Variants in IPCEF1 observed in about 807,000 individuals in gnomAD.
IPCEF1 encodes interaction protein for cytohesin exchange factors 1.
A neutral mutation model predicts 50.9 loss-of-function variants in IPCEF1; 31 were observed. The observed-to-expected ratio is 0.61, with a 90% confidence interval of 0.46 to 0.82. The LOEUF is 0.82. IPCEF1 is among the 40% of genes least tolerant of loss of function. The probability of loss-of-function intolerance (pLI) is 0.00; values close to 1 mark genes in which losing one functional copy is unlikely to be tolerated. For synonymous variants in IPCEF1, 181 were observed against 192.0 expected (o/e 0.94, Z 0.47); for missense variants, 458 against 514.0 (o/e 0.89, Z 1.05).
At chr6:154,161,142 T>C (rs1456089810) in intron 11 of IPCEF1, among the ~76,000 whole-genome samples, 1 of 152,118 alleles carries the variant, frequency 6.6e-6, no homozygotes, top group Non-Finnish European at 1.5e-5. Context: ...CCTCATAAAC[T>C]CTAATTTCTA....
rs116011340 is a variant in IPCEF1 at position 154,242,313 on chromosome 6, T to C, written c.246+4278A>G. Among the ~76,000 whole-genome samples the C allele has an allele frequency of 8.0e-3, 1,222 of 152,298 alleles. 7 individuals are homozygous for C. The highest frequency in any genetic ancestry group is 0.02 in the Middle Eastern group (6 of 294). On this transcript the variant is annotated intron_variant, in intron 5 of 11. Coordinates refer to ENST00000367220, the MANE Select transcript of IPCEF1 (RefSeq NM_001130700.2). ...CTTTTCCCATATCTGTTTTTAAGAA[T>C]AGAGGTGGAAATCCTTTCCTGGAAA...
In IPCEF1 at chr6:154,174,497, CA is replaced by C. The variant is rs921549221; in HGVS notation, c.911-6385del. Among the ~76,000 whole-genome samples, 69 of 148,172 alleles carry C rather than the reference CA, an allele frequency of 4.7e-4. 1 individual carries two copies. Among genetic ancestry groups the C allele is most frequent in the Non-Finnish European group, 4.2e-4 (28 of 66,862 alleles). ...GAAGATCTATCAAGCAAATGGAAAG[CA>C]AAAAAAAAGCAGGGGTTGCAATCCT... On this transcript the variant is annotated intron_variant, in intron 10 of 11. Transcript: ENST00000367220.
chr6:154,298,618 A>G (rs544624568), intron 1 of IPCEF1, among the ~76,000 whole-genome samples: 20 of 152,238 alleles, frequency 1.3e-4, no homozygotes, highest in Non-Finnish European at 2.4e-4. Flanking sequence ...AAGAGAGAAG[A>G]ATGGTTAAGA....
At chr6:154,298,244 C>T (rs570501948) in intron 1 of IPCEF1, among the ~76,000 whole-genome samples, 28 of 152,296 alleles carry the variant, frequency 1.8e-4, no homozygotes, top group African/African-American at 6.7e-4. Flanking sequence ...GATCCTCTGG[C>T]TCAATTTCAG....
At chr6:154,223,292 G>T in intron 5 of IPCEF1, 49 bp from the exon 6 acceptor site, 1 of 1,395,914 alleles carries the variant, frequency 7.2e-7, no homozygotes, top group Non-Finnish European at 1.0e-6. Context: ...CAATCCTGGG[G>T]ATTAGTGCAT....
intron 1 of IPCEF1, among the ~76,000 whole-genome samples, chr6:154,320,514 A>C (rs545401948): frequency 6.6e-6 from 1 of 152,318 alleles, no homozygotes; most frequent in Admixed American, 6.5e-5. Flanking sequence ...AATTTAAATA[A>C]ACCTTAATAT....
intron 1 of IPCEF1, among the ~76,000 whole-genome samples, chr6:154,315,592 C>G (rs1235893570): frequency 6.6e-6 from 1 of 152,058 alleles, no homozygotes; most frequent in East Asian, 1.9e-4. Context: ...GGGAATGGGC[C>G]AGTATCCACC....
intron 1 of IPCEF1, among the ~76,000 whole-genome samples, chr6:154,307,137 A>G (rs1197123833): frequency 1.3e-5 from 2 of 152,044 alleles, no homozygotes; most frequent in African/African-American, 4.8e-5. Flanking sequence ...ATACAATCTG[A>G]TATGGTTTGG....
chr6:154,233,433 C>T (rs1415122281), intron 5 of IPCEF1, among the ~76,000 whole-genome samples: 7 of 151,962 alleles, frequency 4.6e-5, no homozygotes, highest in African/African-American at 7.3e-5. Context: ...AATATTGTTG[C>T]GTTTGGGTTT....
chr6:154,178,455 A>C (rs1392771585), intron 10 of IPCEF1, among the ~76,000 whole-genome samples: 1 of 152,160 alleles, frequency 6.6e-6, no homozygotes, highest in East Asian at 1.9e-4. Flanking sequence ...ATGTATTTAC[A>C]TGAAGATATA....
At chr6:154,317,966 T>C (rs572339861) in intron 1 of IPCEF1, among the ~76,000 whole-genome samples, 1 of 152,272 alleles carries the variant, frequency 6.6e-6, no homozygotes, top group South Asian at 2.1e-4. Flanking sequence ...GATAAACAAA[T>C]TGTAATATGT....
chr6:154,268,868 T>A (rs1781824806), intron 2 of IPCEF1, among the ~76,000 whole-genome samples: 1 of 152,142 alleles, frequency 6.6e-6, no homozygotes, highest in African/African-American at 2.4e-5. Context: ...TTTTCAACTC[T>A]CTGACAGAAG....
At chr6:154,265,530 C>T (rs761714726) in intron 3 of IPCEF1, among the ~76,000 whole-genome samples, 1 of 152,078 alleles carries the variant, frequency 6.6e-6, no homozygotes, top group African/African-American at 2.4e-5. Flanking sequence ...CTGCCCTCCT[C>T]GGCCTCCCAA....
intron 1 of IPCEF1, among the ~76,000 whole-genome samples, chr6:154,331,890 A>G (rs1783680758): frequency 6.6e-6 from 1 of 152,208 alleles, no homozygotes; most frequent in Non-Finnish European, 1.5e-5. Flanking sequence ...ATGACAGTGC[A>G]GAAGACCCCC....
chr6:154,285,237 T>C (rs1782332132), intron 2 of IPCEF1, among the ~76,000 whole-genome samples: 1 of 152,220 alleles, frequency 6.6e-6, no homozygotes, highest in Admixed American at 6.5e-5. Context: ...GTATCTCTAC[T>C]GAGGATAATA....
intron 1 of IPCEF1, among the ~76,000 whole-genome samples, chr6:154,344,560 T>C (rs532910405): frequency 2.6e-5 from 4 of 152,302 alleles, no homozygotes; most frequent in Non-Finnish European, 2.9e-5. Context: ...GTTTAGCAAC[T>C]GGCAGCATAA....
chr6:154,156,892 T>C lies in IPCEF1; in HGVS notation c.*2936A>G, dbSNP rs1307750043. 6.6e-6 allele frequency: 1 copy of C among 151,784 alleles called. No individual in the cohort carries two copies. Among genetic ancestry groups the C allele is most frequent in the African/African-American group, 2.4e-5 (1 of 41,260 alleles). The allele number at this position is 151,784 out of a possible 1,614,324, so 9.4% of individuals were successfully genotyped here. ...TCCTCTTCACAACCCCAAAGAGGAGTCCTCTCCAAATCCTAATCTTTAGCA... is the reference window on the plus strand; with the variant it reads ...TCCTCTTCACAACCCCAAAGAGGAGCCCTCTCCAAATCCTAATCTTTAGCA... On this transcript the variant is annotated 3_prime_UTR_variant, in exon 12 of 12. Transcript: ENST00000367220.
chr6:154,271,612 AC>A (rs1370352806), intron 2 of IPCEF1, among the ~76,000 whole-genome samples: 1 of 152,142 alleles, frequency 6.6e-6, no homozygotes, highest in Non-Finnish European at 1.5e-5. Context: ...TATGACAAAA[AC>A]TTTAGGTGAC....
intron 10 of IPCEF1, among the ~76,000 whole-genome samples, chr6:154,174,389 A>T (rs755528861): frequency 3.9e-5 from 6 of 152,322 alleles, no homozygotes; most frequent in Admixed American, 1.3e-4. Flanking sequence ...AATTGGATAG[A>T]GTCAAGACCC....
Sources: allele counts gnomAD v4.1 joint callset (sites outside exome capture counted in the v4.1 genomes callset), GRCh38; gene constraint gnomAD v4.1.1; transcripts MANE v1.5; gene names NCBI Gene and HGNC (gene_info 2026-07-23, HGNC 2026-07-21).